The following CORIN variants were observed in gnomAD, a reference collection of about 807,000 sequenced individuals.
CORIN encodes atrial natriuretic peptide-converting enzyme.
Under a neutral mutation model 125.3 loss-of-function variants are expected in CORIN, and 117 were observed. The observed-to-expected ratio is 0.93, with a 90% CI of 0.80 to 1.09. The LOEUF (loss-of-function observed/expected upper bound fraction) is 1.09. CORIN is among the 50% of genes least tolerant of loss of function. CORIN has a pLI of 0.00. For missense variants in CORIN, 1,253 were observed against 1,306.7 expected, an observed-to-expected ratio of 0.96 and a Z score of 0.63; for synonymous variants, 450 against 466.4, an observed-to-expected ratio of 0.96 and a Z score of 0.45.
chr4:47,699,558 CCT>C (rs1206063772), intron 5 of CORIN, among the ~76,000 whole-genome samples: 4 of 152,108 alleles, frequency 2.6e-5, no homozygotes, highest in Non-Finnish European at 5.9e-5. Context: ...ACTGCTATAC[CCT>C]GAGTCTAGAA....
intron 19 of CORIN, among the ~76,000 whole-genome samples, chr4:47,608,553 A>G (rs1268496666): frequency 6.6e-6 from 1 of 152,244 alleles, no homozygotes; most frequent in Non-Finnish European, 1.5e-5. Flanking sequence ...CAACTGAGGA[A>G]GATGTTAAAA....
In CORIN at chr4:47,595,632, CTG is replaced by C; in HGVS notation, c.*87_*88del. ...GCATTTCTGTCCATGAAAAGTGCTT[CTG>C]TACAGCTCTCTGCAGGCAGCTCTTC... On this transcript the variant is annotated 3_prime_UTR_variant, in exon 22 of 22. Transcript: ENST00000273857. 1.0e-6 allele frequency: 1 copy of C among 1,002,380 alleles called. No individual in the cohort carries two copies. Among genetic ancestry groups the C allele is most frequent in the Non-Finnish European group, 1.4e-6 (1 of 693,668 alleles). The allele number at this position is 1,002,380 out of a possible 1,614,324, so 62.1% of individuals were successfully genotyped here.
At chr4:47,631,197 A>C (rs1722790794) in intron 16 of CORIN, among the ~76,000 whole-genome samples, 1 of 152,146 alleles carries the variant, frequency 6.6e-6, no homozygotes. Context: ...TTACAATTTA[A>C]AAAATAATGT....
intron 16 of CORIN, 22 bp downstream of exon 16, chr4:47,641,898 T>A: frequency 1.9e-6 from 3 of 1,610,006 alleles, no homozygotes; most frequent in Non-Finnish European, 2.5e-6. Flanking sequence ...AATTCATCAG[T>A]GCTACAAACT....
At position 47,798,091 on chromosome 4, in the gene CORIN, G is replaced by A. The variant is rs945022977; in HGVS notation, c.208+8812C>T. On this transcript the variant is annotated intron_variant, in intron 2 of 21. Coordinates refer to ENST00000273857, the MANE Select transcript of CORIN (RefSeq NM_006587.4). ...ATATGGACAACTCAGACTATCTGCC[G>A]AGTTGAGAAATACAAAACTAAACAA... is the stretch of plus-strand genomic sequence containing the variant. 2.0e-5 allele frequency among the ~76,000 whole-genome samples: 3 copies of A among 152,098 alleles called. No individual in the cohort carries two copies. The South Asian group carries it at 6.2e-4, about 31-fold the overall frequency.
At position 47,623,670 on chromosome 4, in the gene CORIN, G is replaced by T. The variant is rs1280544788; in HGVS notation, c.2441C>A (p.Pro814Gln). Residue 814 changes from proline (P) to glutamine (Q), a missense_variant, in exon 19 of 22, where the codon CCA becomes CAA. By Grantham distance (76) the Pro-to-Gln change is moderately conservative (BLOSUM62 -1). Transcript: ENST00000273857. ...TTCACTCTGCAGAGAACACTGCCAT[G>T]GCCACCTTCCAGGGCGACTCGTCCG... Reference protein sequence around the residue: ...GGRTSRPGRWPWQCSLQSEPS... With the variant: ...GGRTSRPGRWQWQCSLQSEPS... The T allele has an allele frequency of 1.9e-6, 3 of 1,614,076 alleles. No homozygotes were observed. The African/African-American group carries it at 4.0e-5, about 22-fold the overall frequency.
At chr4:47,743,201 A>AC (rs1244041634) in intron 5 of CORIN, among the ~76,000 whole-genome samples, 4 of 152,014 alleles carry the variant, frequency 2.6e-5, no homozygotes, top group Non-Finnish European at 5.9e-5. Context: ...GACACAGAAA[A>AC]AAAAAACACA....
At chr4:47,668,470 G>C (rs1183657615) in intron 10 of CORIN, among the ~76,000 whole-genome samples, 1 of 152,116 alleles carries the variant, frequency 6.6e-6, no homozygotes, top group Non-Finnish European at 1.5e-5. Context: ...ATTTGCTTTT[G>C]TTGCTTATTT....
chr4:47,747,310 T>G (rs1728705257), intron 4 of CORIN, among the ~76,000 whole-genome samples: 1 of 152,148 alleles, frequency 6.6e-6, no homozygotes, highest in South Asian at 2.1e-4. Context: ...TTTTGCATCT[T>G]TAAAAGAAGA....
At chr4:47,825,349 AC>A in intron 1 of CORIN, among the ~76,000 whole-genome samples, 1 of 152,248 alleles carries the variant, frequency 6.6e-6, no homozygotes, top group Non-Finnish European at 1.5e-5. Context: ...GCTTTCCCAC[AC>A]CACACCTATC....
intron 7 of CORIN, chr4:47,681,774 C>T (rs1010822786): frequency 1.3e-5 from 2 of 152,118 alleles, no homozygotes; most frequent in African/African-American, 4.8e-5. Context: ...CCATATAACC[C>T]AGCAATCCCA....
Position 47,670,073 on chromosome 4 carries a change from C to T in CORIN, c.1357+4320G>A, listed in dbSNP as rs557468758. 9.8e-5 allele frequency among the ~76,000 whole-genome samples: 15 copies of T among 152,318 alleles called. No homozygotes were observed. The South Asian group carries it at 1.0e-3, about 11-fold the overall frequency. On this transcript the variant is annotated intron_variant, in intron 10 of 21. Transcript: ENST00000273857. ...ATACCAGCTTTTGAATCTTGCTTAT[C>T]GCACACTCCTGGTGAAGTTAAACAC...
chr4:47,621,803 G>A (rs898248079), intron 19 of CORIN, among the ~76,000 whole-genome samples: 9 of 151,422 alleles, frequency 5.9e-5, no homozygotes, highest in East Asian at 1.9e-4. Context: ...GAGTAAAGCC[G>A]ATGACATTCC....
intron 2 of CORIN, chr4:47,790,202 G>A (rs913760893): frequency 1.0e-6 from 1 of 985,068 alleles, no homozygotes; most frequent in Admixed American, 6.2e-5. Context: ...CTGCCATAAA[G>A]GAAGGAAAAA....
intron 5 of CORIN, chr4:47,707,040 G>A: frequency 6.9e-7 from 1 of 1,456,908 alleles, no homozygotes; most frequent in Non-Finnish European, 9.0e-7. Context: ...GGACAGTCAT[G>A]TCTGCTTACA....
intron 2 of CORIN, among the ~76,000 whole-genome samples, chr4:47,789,835 A>G (rs1055757635): frequency 5.9e-5 from 9 of 152,050 alleles, no homozygotes; most frequent in African/African-American, 2.2e-4. Flanking sequence ...CCTGGCTAAC[A>G]CAGTGAAACC....
At chr4:47,657,818 GC>G (rs531766452) in intron 12 of CORIN, among the ~76,000 whole-genome samples, 217 of 152,132 alleles carry the variant, frequency 1.4e-3, no homozygotes, top group African/African-American at 5.1e-3. Context: ...TGAAGGATCT[GC>G]CCCCATAATC....
chr4:47,780,927 A>G (rs1030707685), intron 3 of CORIN, among the ~76,000 whole-genome samples: 5 of 151,682 alleles, frequency 3.3e-5, no homozygotes, highest in African/African-American at 7.3e-5. Context: ...ATATATATAT[A>G]TGACAAAGGA....
chr4:47,811,706 A>G (rs1462498823), intron 1 of CORIN, among the ~76,000 whole-genome samples: 1 of 152,186 alleles, frequency 6.6e-6, no homozygotes, highest in Non-Finnish European at 1.5e-5. Flanking sequence ...TTTGGGATAA[A>G]TTTTACATCT....
Sources: gnomAD v4.1 joint callset for allele counts (sites outside exome capture counted in the v4.1 genomes callset) on GRCh38, gnomAD v4.1.1 for gene constraint, MANE v1.5 for transcripts, NCBI Gene and HGNC (gene_info 2026-07-23, HGNC 2026-07-21) for gene names.